PTPN3: variants seen among roughly 807,000 people sequenced by gnomAD.
The protein encoded by PTPN3 is protein tyrosine phosphatase non-receptor type 3.
Under a neutral mutation model 132.7 loss-of-function variants are expected in PTPN3, and 96 were observed. That is an observed-to-expected ratio of 0.72 (90% confidence interval 0.61 to 0.86). The LOEUF (loss-of-function observed/expected upper bound fraction) is 0.86. PTPN3 is among the 40% of genes least tolerant of loss of function. The pLI is 0.00. For synonymous variants in PTPN3, 398 were observed against 429.0 expected, an observed-to-expected ratio of 0.93 and a Z score of 0.89; for missense variants, 1,125 against 1,159.6, an observed-to-expected ratio of 0.97 and a Z score of 0.43.
the PTPN3 span, among the ~76,000 whole-genome samples, chr9:109,529,883 C>T: frequency 6.6e-6 from 1 of 152,210 alleles, no homozygotes; most frequent in South Asian, 2.1e-4. Context: ...TTACTAGATG[C>T]ATATGCTCTG....
At chr9:109,476,979 G>A (rs1472958755) in intron 1 of PTPN3, among the ~76,000 whole-genome samples, 1 of 152,070 alleles carries the variant, frequency 6.6e-6, no homozygotes, top group Non-Finnish European at 1.5e-5. Context: ...ATTTTGACTG[G>A]GCCTGGAAGG....
chr9:109,401,269 C>T (rs1841070361), intron 19 of PTPN3, among the ~76,000 whole-genome samples: 1 of 152,216 alleles, frequency 6.6e-6, no homozygotes, highest in Non-Finnish European at 1.5e-5. Flanking sequence ...TTCACCTCCT[C>T]TCCTCTGGAA....
intron 1 of PTPN3, among the ~76,000 whole-genome samples, chr9:109,475,648 G>A (rs1328884577): frequency 2.0e-5 from 3 of 152,152 alleles, no homozygotes; most frequent in African/African-American, 7.2e-5. Context: ...TTTGCTCTCA[G>A]GCACAGACAC....
chr9:109,537,079 A>G, the PTPN3 span, among the ~76,000 whole-genome samples: 3 of 152,116 alleles, frequency 2.0e-5, no homozygotes, highest in African/African-American at 7.2e-5. Context: ...CCAAGACTCC[A>G]AGGTCCTGGC....
At chr9:109,495,108 G>A (rs541941130) in intron 1 of PTPN3, among the ~76,000 whole-genome samples, 2 of 152,258 alleles carry the variant, frequency 1.3e-5, no homozygotes, top group South Asian at 4.1e-4. Flanking sequence ...AGAGCAGTGT[G>A]GACACTGACC....
intron 10 of PTPN3, among the ~76,000 whole-genome samples, chr9:109,432,650 G>A (rs1025206291): frequency 5.3e-5 from 8 of 152,140 alleles, no homozygotes; most frequent in East Asian, 1.9e-4. Flanking sequence ...AGTTGTACAC[G>A]TCTTTGGGTC....
chr9:109,457,206 C>T lies in PTPN3; in HGVS notation c.256G>A (p.Glu86Lys). Residue 86 changes from glutamate to lysine, a missense_variant, in exon 4 of 26, where the codon GAA (glutamate) becomes AAA (lysine). Glu to Lys is a moderately conservative substitution (Grantham distance 56). Transcript: ENST00000374541. ...TGCTTCCTGATGGCTTTGCTTGCTTCCAGCCATCTCTGTTGGACAAGAAAA... is the reference window on the plus strand; with the variant it reads ...TGCTTCCTGATGGCTTTGCTTGCTTTCAGCCATCTCTGTTGGACAAGAAAA... ...DDSVDSPRWL[E>K]ASKAIRKQLK... is the part of the protein sequence containing the mutation. The T allele has an allele frequency of 6.2e-7, 1 of 1,613,984 alleles. No individual in the cohort carries two copies. The highest frequency in any genetic ancestry group is 8.5e-7 in the Non-Finnish European group (1 of 1,179,888).
At chr9:109,450,039 G>C in intron 5 of PTPN3, 2 of 983,330 alleles carry the variant, frequency 2.0e-6, no homozygotes, top group Non-Finnish European at 2.4e-6. Context: ...GGATATGTGA[G>C]GTCAATTGTG....
upstream of PTPN3, among the ~76,000 whole-genome samples, chr9:109,499,391 C>T (rs1280486669): frequency 6.6e-6 from 1 of 152,204 alleles, no homozygotes; most frequent in South Asian, 2.1e-4. Context: ...ACAGCCAGTG[C>T]CAAGACCCAA....
chr9:109,406,626 G>T lies in PTPN3; in HGVS notation c.1636-8C>A. 1 of 1,613,750 alleles carries T rather than the reference G, an allele frequency of 6.2e-7. No homozygotes were observed. Among genetic ancestry groups the T allele is most frequent in the Non-Finnish European group, 8.5e-7 (1 of 1,179,674 alleles). On this transcript the variant is annotated splice_region_variant and splice_polypyrimidine_tract_variant and intron_variant, in intron 17 of 25. Transcript: ENST00000374541. ...AGGAATGCAGGTGTCCGCCTGGGTG[G>T]TGGGGAAAAGCGAGTTTCTCCTGTT...
intron 25 of PTPN3, among the ~76,000 whole-genome samples, chr9:109,380,285 C>G (rs563355399): frequency 6.6e-6 from 1 of 151,074 alleles, no homozygotes; most frequent in African/African-American, 2.4e-5. Flanking sequence ...AGACAGAGTC[C>G]TGTTCTGTCA....
chr9:109,517,315 G>T, the PTPN3 span, among the ~76,000 whole-genome samples: 15 of 152,148 alleles, frequency 9.9e-5, no homozygotes, highest in Admixed American at 7.9e-4. Context: ...ATGTGTTGAG[G>T]TTCTCTGATC....
chr9:109,445,344 A>C, intron 6 of PTPN3, 52 bp from the exon 7 acceptor site: 2 of 1,469,802 alleles, frequency 1.4e-6, no homozygotes, highest in African/African-American at 1.4e-5. Flanking sequence ...CAACAGCCTT[A>C]AACATTGACA....
upstream of PTPN3, among the ~76,000 whole-genome samples, chr9:109,499,901 C>T (rs1458629872): frequency 6.6e-6 from 1 of 152,164 alleles, no homozygotes; most frequent in Non-Finnish European, 1.5e-5. Flanking sequence ...GGAGCCGCGG[C>T]GCCCGCTCAG....
chr9:109,469,913 TCTTG>T (rs1303115311), intron 1 of PTPN3, among the ~76,000 whole-genome samples: 3 of 152,148 alleles, frequency 2.0e-5, no homozygotes, highest in Admixed American at 6.5e-5. Flanking sequence ...CTCTGCTCTT[TCTTG>T]CTTATCACTT....
upstream of PTPN3, among the ~76,000 whole-genome samples, chr9:109,499,188 G>T (rs1847812526): frequency 6.6e-6 from 1 of 152,056 alleles, no homozygotes; most frequent in Admixed American, 6.6e-5. Context: ...CATTATATTA[G>T]AAAGTGATAA....
rs143196464 is a variant in PTPN3 at position 109,436,925 on chromosome 9, C to A, written c.633G>T (p.Ala211=). Residue 211 remains alanine, a synonymous_variant, in exon 9 of 26, where the codon GCG becomes GCT. Transcript: ENST00000374541. The stretch of plus-strand genomic sequence containing the variant: ...CTACTCCATAGAAGTCGAGGGTCCG[C>A]GCTATGTTGATATAGCAGGATTCTG... ...SEAESCYINI[A]RTLDFYGVEL... 1.9e-6 allele frequency: 3 copies of A among 1,614,086 alleles called. No homozygotes were observed. Among genetic ancestry groups the A allele is most frequent in the Non-Finnish European group, 2.5e-6 (3 of 1,179,986 alleles).
rs145988191 is a variant in PTPN3, at chr9:109,396,648, C to T, written c.1954-5087G>A. On this transcript the variant is annotated intron_variant, in intron 19 of 25. Coordinates refer to ENST00000374541, the MANE Select transcript of PTPN3 (RefSeq NM_002829.4). The stretch of plus-strand genomic sequence containing the variant: ...TAGTTATAAGAAGCTCTGAAGCTAA[C>T]GGTAAATTATAAAAAGTTCGGCTAA... Among the ~76,000 whole-genome samples, 170 of 152,226 alleles carry T rather than the reference C, an allele frequency of 1.1e-3. 1 individual carries two copies. The highest frequency in any genetic ancestry group is 1.8e-3 in the Non-Finnish European group (120 of 68,024).
At position 109,382,338 on chromosome 9, in the gene PTPN3, A is replaced by G; in HGVS notation, c.2492T>C (p.Leu831Pro). 6.2e-7 allele frequency: 1 copy of G among 1,614,064 alleles called. No individual in the cohort carries two copies. The highest frequency in any genetic ancestry group is 8.5e-7 in the Non-Finnish European group (1 of 1,179,952). ...TAGGACGGGCTCGCTGTCCACTCTC[A>G]GAGACCTCACATAGTTTACAAATTC... ...FLEFVNYVRS[L>P]RVDSEPVLVH... The change falls in exon 24 of 26, where the codon CTG becomes CCG. Residue 831 changes from leucine to proline, a missense_variant. Physicochemically the swap from Leu to Pro is moderately conservative, Grantham distance 98. Coordinates refer to ENST00000374541, the MANE Select transcript of PTPN3 (RefSeq NM_002829.4).
Sources: gnomAD v4.1 joint callset for allele counts (sites outside exome capture counted in the v4.1 genomes callset) on GRCh38, gnomAD v4.1.1 for gene constraint, MANE v1.5 for transcripts, NCBI Gene and HGNC (gene_info 2026-07-23, HGNC 2026-07-21) for gene names.